The following ENPP2 variants were observed in gnomAD, a reference collection of about 807,000 sequenced individuals.
ENPP2 encodes the protein autotaxin.
In ENPP2, 51 loss-of-function variants were observed where a neutral mutation model predicts 120.2. The observed-to-expected ratio is 0.42, with a 90% CI of 0.34 to 0.54. ENPP2 has a LOEUF of 0.54. Ranked by LOEUF, ENPP2 falls within the 20% of genes least tolerant of loss-of-function variation. The pLI, the probability that ENPP2 is intolerant of heterozygous loss-of-function variation, is 0.04. For missense variants in ENPP2, 920 were observed against 1,066.5 expected, an observed-to-expected ratio of 0.86 and a Z score of 1.91; for synonymous variants, 365 against 366.4, an observed-to-expected ratio of 1.00 and a Z score of 0.04.
chr8:119,567,342 CT>C (rs1814550447), intron 22 of ENPP2, among the ~76,000 whole-genome samples: 2 of 152,248 alleles, frequency 1.3e-5, no homozygotes, highest in Middle Eastern at 3.4e-3. Context: ...AAATGCAGTG[CT>C]TTCGACATTG....
intron 1 of ENPP2, among the ~76,000 whole-genome samples, chr8:119,672,482 G>A (rs1247848993): frequency 6.6e-6 from 1 of 152,010 alleles, no homozygotes; most frequent in Non-Finnish European, 1.5e-5. Flanking sequence ...CCCCCTCTCC[G>A]CACCTGAAGA....
At chr8:119,579,370 A>G (rs1812571417) in intron 19 of ENPP2, among the ~76,000 whole-genome samples, 1 of 152,192 alleles carries the variant, frequency 6.6e-6, no homozygotes, top group Admixed American at 6.5e-5. Context: ...GCCTCATAAA[A>G]GCAGAAGCAT....
At chr8:119,596,501 T>C (rs935532427) in intron 11 of ENPP2, among the ~76,000 whole-genome samples, 2 of 152,232 alleles carry the variant, frequency 1.3e-5, no homozygotes, top group African/African-American at 4.8e-5. Context: ...TCAGCAACTA[T>C]GTCAAAGCAA....
At chr8:119,561,015 C>T (rs1813882722) in intron 24 of ENPP2, among the ~76,000 whole-genome samples, 1 of 152,182 alleles carries the variant, frequency 6.6e-6, no homozygotes, top group Non-Finnish European at 1.5e-5. Flanking sequence ...ACTGCTCCTG[C>T]TATGATATCT....
chr8:119,627,972 A>G, intron 2 of ENPP2, among the ~76,000 whole-genome samples: 1 of 151,156 alleles, frequency 6.6e-6, no homozygotes, highest in Non-Finnish European at 1.5e-5. Flanking sequence ...TAAACAAACC[A>G]GAAGACTCAG....
At chr8:119,561,966 G>A (rs1813990413) in intron 24 of ENPP2, among the ~76,000 whole-genome samples, 4 of 151,912 alleles carry the variant, frequency 2.6e-5, no homozygotes, top group South Asian at 2.1e-4. Context: ...GTGGAACCCT[G>A]TCTCTACTAA....
At chr8:119,634,892 C>T (rs545887315) in intron 2 of ENPP2, among the ~76,000 whole-genome samples, 25 of 152,204 alleles carry the variant, frequency 1.6e-4, no homozygotes, top group South Asian at 1.0e-3. Flanking sequence ...ACACTACAGC[C>T]CCATTTAACA....
At position 119,562,908 on chromosome 8, in the gene ENPP2, A is replaced by G. The variant is rs762014522; in HGVS notation, c.2370T>C (p.Ser790=). The G allele has an allele frequency of 3.1e-6, 5 of 1,614,064 alleles. No individual in the cohort carries two copies. In the African/African-American group the frequency reaches 4.0e-5, roughly 13 times the overall value. Residue 790 remains serine, a synonymous_variant, in exon 24 of 25, where the codon TCT becomes TCC. Transcript: ENST00000075322. ...QPADKCDGPL[S]VSSFILPHRP... ...GGTGAGGCAGGATGAAGGAGGACAC[A>G]GAGAGAGGGCCGTCACACTTGTCGG...
At chr8:119,611,790 C>A (rs1815128144) in intron 8 of ENPP2, among the ~76,000 whole-genome samples, 1 of 152,034 alleles carries the variant, frequency 6.6e-6, no homozygotes, top group Admixed American at 6.6e-5. Flanking sequence ...CTTTGGGAGG[C>A]CAAGGCAGAC....
At chr8:119,663,345 C>A (rs564425176) in intron 1 of ENPP2, among the ~76,000 whole-genome samples, 1 of 152,274 alleles carries the variant, frequency 6.6e-6, no homozygotes, top group African/African-American at 2.4e-5. Context: ...ATTATTAAGA[C>A]TCCACCCACA....
chr8:119,673,127 C>T (rs1207545441), intron 1 of ENPP2: 2 of 794,370 alleles, frequency 2.5e-6, no homozygotes, highest in African/African-American at 3.4e-5. Flanking sequence ...GGAACACAGC[C>T]CAACAGGGAC....
chr8:119,561,671 G>A, intron 24 of ENPP2, among the ~76,000 whole-genome samples: 1 of 152,138 alleles, frequency 6.6e-6, no homozygotes, highest in Non-Finnish European at 1.5e-5. Context: ...CCCACAGGAT[G>A]AGTGAATCAG....
At chr8:119,659,334 A>AACAAAAAAAAAAC (rs1817857021) in intron 1 of ENPP2, among the ~76,000 whole-genome samples, 1 of 130,740 alleles carries the variant, frequency 7.6e-6, no homozygotes. Flanking sequence ...AAAAAAAAAA[A>AACAAAAAAAAAAC]AAACCAGAGT....
Position 119,615,812 on chromosome 8 carries a change from A to G in ENPP2, c.777+453T>C, listed in dbSNP as rs77111557. On this transcript the variant is annotated intron_variant, in intron 8 of 24. Coordinates refer to ENST00000075322, the MANE Select transcript of ENPP2 (RefSeq NM_001040092.3). Reference sequence around the variant, plus strand: ...ATTATACGCCTAAATCTGGGAAATCAATGAGATCTGACTATTTCTTTGTCA... The same window carrying G: ...ATTATACGCCTAAATCTGGGAAATCGATGAGATCTGACTATTTCTTTGTCA... Among the ~76,000 whole-genome samples the G allele has an allele frequency of 3.6e-3, 553 of 152,280 alleles. 2 individuals carry two copies. Among genetic ancestry groups the G allele is most frequent in the Non-Finnish European group, 6.0e-3 (405 of 68,024 alleles).
chr8:119,645,705 C>T (rs1817424472), intron 1 of ENPP2, among the ~76,000 whole-genome samples: 1 of 151,362 alleles, frequency 6.6e-6, no homozygotes, highest in African/African-American at 2.4e-5. Context: ...ATTCCAGCTA[C>T]TTGGGAGGCT....
chr8:119,563,068 CT>C, intron 23 of ENPP2, 55 bp from the exon 24 acceptor site: 1 of 1,502,738 alleles, frequency 6.7e-7, no homozygotes, highest in Non-Finnish European at 9.1e-7. Flanking sequence ...TTGAAGCTTT[CT>C]TTTTTAAATG....
At position 119,669,787 on chromosome 8, in the gene ENPP2, G is replaced by C. The variant is rs188062610; in HGVS notation, c.21+3465C>G. Reference sequence around the variant, plus strand: ...GTATCTATACCTGAGAAGGACCTTGGTCTCAAAGAGCTTGAGAACAACTTC... The same window carrying C: ...GTATCTATACCTGAGAAGGACCTTGCTCTCAAAGAGCTTGAGAACAACTTC... On this transcript the variant is annotated intron_variant, in intron 1 of 25. Coordinates refer to the ENPP2 transcript ENST00000427067. Among the ~76,000 whole-genome samples the C allele has an allele frequency of 2.2e-3, 342 of 152,264 alleles. 1 individual carries two copies. The highest frequency in any genetic ancestry group is 3.9e-3 in the Non-Finnish European group (265 of 68,016).
chr8:119,638,936 G>A, upstream of ENPP2: 1 of 862,038 alleles, frequency 1.2e-6, no homozygotes. Flanking sequence ...TTACATCACA[G>A]GGTGTTCACA....
At chr8:119,644,659 T>C (rs1385292946) in intron 1 of ENPP2, among the ~76,000 whole-genome samples, 2 of 142,288 alleles carry the variant, frequency 1.4e-5, no homozygotes, top group Non-Finnish European at 3.1e-5. Flanking sequence ...TATAGATATA[T>C]ATATATATAT....
Sources: gnomAD v4.1 joint callset for allele counts (sites outside exome capture counted in the v4.1 genomes callset) on GRCh38, gnomAD v4.1.1 for gene constraint, MANE v1.5 for transcripts, NCBI Gene and HGNC (gene_info 2026-07-23, HGNC 2026-07-21) for gene names.